UBTD2: variants seen among roughly 807,000 people sequenced by gnomAD.
UBTD2 encodes ubiquitin domain-containing protein 2.
Under a neutral mutation model 19.8 loss-of-function variants are expected in UBTD2, and 9 were observed. The observed-to-expected ratio is 0.46, with a 90% CI of 0.27 to 0.79. UBTD2 has a LOEUF of 0.79. Among genes scored for constraint, UBTD2 ranks in the 30% least tolerant of loss-of-function variants. The pLI is 0.14. For missense variants in UBTD2, 250 were observed against 300.4 expected (o/e 0.83, Z 1.24); for synonymous variants, 98 against 103.9 (o/e 0.94, Z 0.35).
chr5:172,266,009 T>C (rs1275090669), intron 1 of UBTD2, among the ~76,000 whole-genome samples: 5 of 151,276 alleles, frequency 3.3e-5, no homozygotes, highest in Non-Finnish European at 5.9e-5. Context: ...TCTCAGCTCA[T>C]TGCAACCTCT....
Position 172,211,648 on chromosome 5 carries a change from G to A in UBTD2, c.*182C>T. On this transcript the variant is annotated 3_prime_UTR_variant, in exon 3 of 3. Transcript: ENST00000393792. ...TGAGTCTCAAAGCCTGGCTCTTTGT[G>A]TTTTATTATTTTTGTTGGTCTCCAT... The A allele has an allele frequency of 1.7e-6, 1 of 573,920 alleles. No homozygotes were observed. The highest frequency in any genetic ancestry group is 2.8e-6 in the Non-Finnish European group (1 of 359,186). The allele number at this position is 573,920 out of a possible 1,614,324, so 35.6% of individuals were successfully genotyped here. A position where few individuals can be genotyped will look rare whatever the true frequency, so the allele number is the denominator to read the frequency against.
intron 1 of UBTD2, among the ~76,000 whole-genome samples, chr5:172,273,396 G>C (rs1450773234): frequency 3.3e-5 from 5 of 152,024 alleles, no homozygotes; most frequent in African/African-American, 1.2e-4. Flanking sequence ...TTCAAAACCA[G>C]CCTGGCCAAC....
intron 2 of UBTD2, among the ~76,000 whole-genome samples, chr5:172,218,817 TA>T (rs1554127124): frequency 3.9e-4 from 35 of 89,658 alleles, no homozygotes; most frequent in East Asian, 2.1e-3. Flanking sequence ...AAATAAAAAA[TA>T]AAAATAAAAA....
At chr5:172,249,115 G>C (rs1337155806) in intron 1 of UBTD2, among the ~76,000 whole-genome samples, 4 of 151,944 alleles carry the variant, frequency 2.6e-5, no homozygotes, top group African/African-American at 9.7e-5. Flanking sequence ...ATTAATAGTG[G>C]GGCCGGGTGC....
At chr5:172,275,790 A>AC (rs1755595166) in intron 1 of UBTD2, among the ~76,000 whole-genome samples, 1 of 152,126 alleles carries the variant, frequency 6.6e-6, no homozygotes, top group Admixed American at 6.6e-5. Flanking sequence ...TGTCACCTAC[A>AC]CCTTAACATA....
chr5:172,277,687 C>T (rs1449339796), intron 1 of UBTD2, among the ~76,000 whole-genome samples: 4 of 151,798 alleles, frequency 2.6e-5, no homozygotes, highest in Non-Finnish European at 4.4e-5. Context: ...TCATGGGTAA[C>T]AGAGCGAGAC....
chr5:172,245,553 A>T (rs1754861181), intron 1 of UBTD2, among the ~76,000 whole-genome samples: 2 of 152,066 alleles, frequency 1.3e-5, no homozygotes, highest in South Asian at 4.1e-4. Context: ...CTCTACTAAA[A>T]ATACAAAAAT....
chr5:172,257,893 A>G (rs77290486), intron 1 of UBTD2, among the ~76,000 whole-genome samples: 4 of 152,216 alleles, frequency 2.6e-5, no homozygotes, highest in East Asian at 3.9e-4. Flanking sequence ...TTTCTTATCA[A>G]TTCAGGGTTT....
At chr5:172,270,012 G>C (rs1755453130) in intron 1 of UBTD2, among the ~76,000 whole-genome samples, 1 of 151,800 alleles carries the variant, frequency 6.6e-6, no homozygotes, top group African/African-American at 2.4e-5. Context: ...AGGAGGCAGA[G>C]GTTGCAGTGA....
intron 1 of UBTD2, among the ~76,000 whole-genome samples, chr5:172,267,039 T>TAA (rs34544452): frequency 2.9e-4 from 35 of 119,328 alleles, no homozygotes; most frequent in Middle Eastern, 4.1e-3. Context: ...AGCCTCTCTT[T>TAA]AAAAAAAAAA....
intron 1 of UBTD2, among the ~76,000 whole-genome samples, chr5:172,251,628 A>G (rs79919562): frequency 4.4e-4 from 24 of 54,382 alleles, no homozygotes; most frequent in Non-Finnish European, 7.8e-4. Flanking sequence ...AGTGCAATGA[A>G]AAAAAAAAAA....
intron 2 of UBTD2, among the ~76,000 whole-genome samples, chr5:172,229,391 C>G (rs1360935680): frequency 2.0e-5 from 3 of 149,250 alleles, no homozygotes; most frequent in African/African-American, 2.5e-5. Flanking sequence ...GTCCCAGCTA[C>G]TTGGGAGGCT....
chr5:172,272,599 G>A (rs753243405), intron 1 of UBTD2, among the ~76,000 whole-genome samples: 1 of 152,150 alleles, frequency 6.6e-6, no homozygotes, highest in Non-Finnish European at 1.5e-5. Flanking sequence ...AGATAAGAAT[G>A]TGTTTTAGTC....
Position 172,220,050 on chromosome 5 carries a change from T to A in UBTD2, c.308-7823A>T, listed in dbSNP as rs561653360. Among the ~76,000 whole-genome samples, 469 of 151,540 alleles carry A rather than the reference T, an allele frequency of 3.1e-3. 1 individual carries two copies. Among genetic ancestry groups the A allele is most frequent in the African/African-American group, 0.011 (449 of 41,256 alleles). ...ACATTACAAGCAAACTACAGACCAG[T>A]ATCTCTCATGAACATAGACTGAAAA... On this transcript the variant is annotated intron_variant, in intron 2 of 2. Transcript: ENST00000393792.
chr5:172,275,041 CAA>C (rs71189558), intron 1 of UBTD2, among the ~76,000 whole-genome samples: 1 of 151,936 alleles, frequency 6.6e-6, no homozygotes, highest in African/African-American at 2.4e-5. Flanking sequence ...GTCTCAAAAA[CAA>C]AGAACTGCCT....
At chr5:172,266,793 T>C (rs1166356315) in intron 1 of UBTD2, among the ~76,000 whole-genome samples, 1 of 152,112 alleles carries the variant, frequency 6.6e-6, no homozygotes, top group East Asian at 1.9e-4. Flanking sequence ...TCCCAACACT[T>C]TGGGAGGCCC....
intron 1 of UBTD2, among the ~76,000 whole-genome samples, chr5:172,248,654 C>G (rs1244761699): frequency 1.3e-5 from 2 of 150,938 alleles, no homozygotes; most frequent in South Asian, 2.1e-4. Context: ...CCCAGACACT[C>G]AGATGGCAGA....
rs763651049 is a variant in UBTD2 at position 172,262,468 on chromosome 5, A to AAT, written c.70+21127_70+21128insAT. ...CACCAAAAAAAAAAAAAAAAAAAAA[A>AAT]CAAGAAAATGTATATGAAGATTCTT... On this transcript the variant is annotated intron_variant, in intron 1 of 2. Transcript: ENST00000393792. 9.4e-4 allele frequency among the ~76,000 whole-genome samples: 135 copies of AAT among 143,158 alleles called. 4 individuals carry two copies. Among genetic ancestry groups the AAT allele is most frequent in the African/African-American group, 3.2e-3 (121 of 38,074 alleles). The allele number at this position is 143,158 out of a possible 152,430, so 93.9% of individuals were successfully genotyped here.
At chr5:172,222,147 T>C (rs1771664306) in intron 2 of UBTD2, among the ~76,000 whole-genome samples, 3 of 152,230 alleles carry the variant, frequency 2.0e-5, no homozygotes, top group African/African-American at 7.2e-5. Context: ...AAAAGTAATA[T>C]TTTACATTGT....
Sources: allele counts gnomAD v4.1 joint callset (sites outside exome capture counted in the v4.1 genomes callset), GRCh38; gene constraint gnomAD v4.1.1; transcripts MANE v1.5; gene names NCBI Gene and HGNC (gene_info 2026-07-23, HGNC 2026-07-21).